Variants in KDM7A observed in about 807,000 individuals in gnomAD.
The protein encoded by KDM7A is lysine-specific demethylase 7A.
A neutral mutation model predicts 114.8 loss-of-function variants in KDM7A; 28 were observed. The observed-to-expected ratio is 0.24, with a 90% confidence interval of 0.18 to 0.33. The LOEUF (loss-of-function observed/expected upper bound fraction) is 0.33. Ranked by LOEUF, KDM7A falls within the 10% of genes least tolerant of loss-of-function variation. The pLI is 1.00. For missense variants in KDM7A, 942 were observed against 1,142.5 expected, an observed-to-expected ratio of 0.82 and a Z score of 2.53; for synonymous variants, 423 against 397.8, an observed-to-expected ratio of 1.06 and a Z score of -0.75.
intron 18 of KDM7A, among the ~76,000 whole-genome samples, chr7:140,092,367 G>A (rs1818036478): frequency 6.6e-6 from 1 of 152,194 alleles, no homozygotes; most frequent in Non-Finnish European, 1.5e-5. Flanking sequence ...GTGAGCACAT[G>A]CCAACGCAGG....
chr7:140,102,556 A>G (rs1440787462), intron 11 of KDM7A, among the ~76,000 whole-genome samples: 1 of 152,108 alleles, frequency 6.6e-6, no homozygotes, highest in African/African-American at 2.4e-5. Context: ...CTAATGTTTT[A>G]GAGACAAGTA....
intron 1 of KDM7A, among the ~76,000 whole-genome samples, chr7:140,151,685 A>G (rs1489634663): frequency 6.6e-6 from 1 of 152,212 alleles, no homozygotes; most frequent in Admixed American, 6.5e-5. Flanking sequence ...TATTATGCCC[A>G]TTTACTTTTC....
At chr7:140,147,327 T>C (rs1794349689) in intron 1 of KDM7A, among the ~76,000 whole-genome samples, 1 of 152,206 alleles carries the variant, frequency 6.6e-6, no homozygotes, top group Admixed American at 6.5e-5. Flanking sequence ...TGAAAACTAA[T>C]ATATTGTGGC....
chr7:140,107,654 T>C (rs1041915210), intron 11 of KDM7A, among the ~76,000 whole-genome samples: 3 of 152,266 alleles, frequency 2.0e-5, no homozygotes, highest in Non-Finnish European at 2.9e-5. Context: ...GTCAGTCTGA[T>C]GGGCTTCCCT....
chr7:140,102,210 T>C (rs1818242276), intron 11 of KDM7A, 50 bp from the exon 12 acceptor site: 1 of 1,232,594 alleles, frequency 8.1e-7, no homozygotes, highest in Admixed American at 1.7e-5. Flanking sequence ...GTTACACACA[T>C]ACGTGACTAA....
intron 1 of KDM7A, among the ~76,000 whole-genome samples, chr7:140,173,885 C>T (rs554570303): frequency 1.3e-5 from 2 of 152,166 alleles, no homozygotes; most frequent in South Asian, 2.1e-4. Flanking sequence ...CTTACTAGGC[C>T]GGGCAGGGTG....
At chr7:140,117,764 T>C (rs1818555417) in intron 9 of KDM7A, among the ~76,000 whole-genome samples, 2 of 152,226 alleles carry the variant, frequency 1.3e-5, no homozygotes, top group South Asian at 4.1e-4. Flanking sequence ...CTACAGTCCA[T>C]TGTGACATTC....
In KDM7A at chr7:140,158,864, T is replaced by C. The variant is rs191213481; in HGVS notation, c.194+17880A>G. On this transcript the variant is annotated intron_variant, in intron 1 of 19. Transcript: ENST00000397560. ...TAGTGTGTTAACAATGAAAGCCTGA[T>C]TGGATTGAGTACAAGAGAAAATGGG... 2.2e-3 allele frequency among the ~76,000 whole-genome samples: 339 copies of C among 152,174 alleles called. 6 individuals carry two copies. The highest frequency in any genetic ancestry group is 0.02 in the Admixed American group (303 of 15,288).
chr7:140,086,325 G>C lies in KDM7A; in HGVS notation c.*4769C>G, dbSNP rs1024257863. 3.5e-4 allele frequency: 53 copies of C among 152,126 alleles called. No homozygotes were observed. Among genetic ancestry groups the C allele is most frequent in the African/African-American group, 1.2e-3 (51 of 41,402 alleles). 9.4% of individuals were successfully genotyped at this position (152,126 alleles called of 1,614,324 possible). On this transcript the variant is annotated 3_prime_UTR_variant, in exon 20 of 20. Coordinates refer to ENST00000397560, the MANE Select transcript of KDM7A (RefSeq NM_030647.2). ...GACAAAGTCTTAAGACACTAGAAGGGGCACCAGGGGGAAGGGGAGAACCTA... is the reference window on the plus strand; with the variant it reads ...GACAAAGTCTTAAGACACTAGAAGGCGCACCAGGGGGAAGGGGAGAACCTA...
intron 8 of KDM7A, 59 bp downstream of exon 8, chr7:140,120,383 A>G: frequency 9.9e-7 from 1 of 1,012,158 alleles, no homozygotes; most frequent in South Asian, 1.4e-5. Flanking sequence ...TAAGTTAAAA[A>G]AAAAAGTATC....
chr7:140,158,863 A>G (rs1309854770), intron 1 of KDM7A, among the ~76,000 whole-genome samples: 1 of 152,198 alleles, frequency 6.6e-6, no homozygotes, highest in Non-Finnish European at 1.5e-5. Flanking sequence ...TGAAAGCCTG[A>G]TTGGATTGAG....
chr7:140,152,540 CTTG>C (rs1562958699), intron 1 of KDM7A, among the ~76,000 whole-genome samples: 1 of 99,300 alleles, frequency 1.0e-5, no homozygotes, highest in Non-Finnish European at 1.9e-5. Flanking sequence ...GTGAGAATCA[CTTG>C]ATCCCGGGAG....
At chr7:140,144,740 CT>C (rs1794322258) in intron 1 of KDM7A, among the ~76,000 whole-genome samples, 2 of 152,234 alleles carry the variant, frequency 1.3e-5, no homozygotes, top group Non-Finnish European at 2.9e-5. Context: ...CACACACACC[CT>C]CATGCTGAAA....
rs762402700 is a variant in KDM7A, at chr7:140,085,005, A to G, written c.*6089T>C. ...GACTTACAAATTTAAAGTAAAACAG[A>G]AACAAAATAAATACTGTACACTTTC... On this transcript the variant is annotated 3_prime_UTR_variant, in exon 20 of 20. Coordinates refer to ENST00000397560, the MANE Select transcript of KDM7A (RefSeq NM_030647.2). 6.6e-6 allele frequency: 1 copy of G among 152,244 alleles called. No individual in the cohort carries two copies. The highest frequency in any genetic ancestry group is 2.4e-5 in the African/African-American group (1 of 41,456). 9.4% of individuals were successfully genotyped at this position (152,244 alleles called of 1,614,324 possible). A position where few individuals can be genotyped will look rare whatever the true frequency, so the allele number is the denominator to read the frequency against.
rs1400037055 is a variant in KDM7A, at chr7:140,090,876, G to C, written c.*218C>G. The stretch of plus-strand genomic sequence containing the variant: ...TTCCAGTTCAAGGTCTCTTTTTAAG[G>C]TTCTACCCTCCTTCTTCCTCTCCCC... On this transcript the variant is annotated 3_prime_UTR_variant, in exon 20 of 20. Coordinates refer to ENST00000397560, the MANE Select transcript of KDM7A (RefSeq NM_030647.2). 1.9e-6 allele frequency: 1 copy of C among 527,796 alleles called. No homozygotes were observed. Among genetic ancestry groups the C allele is most frequent in the Non-Finnish European group, 3.4e-6 (1 of 295,468 alleles). 32.7% of individuals were successfully genotyped at this position (527,796 alleles called of 1,614,324 possible). A position where few individuals can be genotyped will look rare whatever the true frequency, so the allele number is the denominator to read the frequency against.
At chr7:140,111,565 C>T (rs762088005) in intron 10 of KDM7A, among the ~76,000 whole-genome samples, 28 of 152,150 alleles carry the variant, frequency 1.8e-4, no homozygotes, top group African/African-American at 6.3e-4. Context: ...CAGACACTAA[C>T]GTAATCCTAA....
At chr7:140,136,863 C>T (rs1490141549) in intron 2 of KDM7A, among the ~76,000 whole-genome samples, 2 of 151,958 alleles carry the variant, frequency 1.3e-5, no homozygotes, top group African/African-American at 2.4e-5. Flanking sequence ...GGCACACAAC[C>T]GTAATCCCAG....
intron 11 of KDM7A, among the ~76,000 whole-genome samples, chr7:140,104,731 C>T (rs1468118491): frequency 6.6e-6 from 1 of 152,162 alleles, no homozygotes; most frequent in African/African-American, 2.4e-5. Context: ...TAGCATGATG[C>T]CTCCAGCTTT....
chr7:140,163,638 G>T (rs1794543934), intron 1 of KDM7A, among the ~76,000 whole-genome samples: 1 of 151,840 alleles, frequency 6.6e-6, no homozygotes, highest in African/African-American at 2.4e-5. Flanking sequence ...TTTAATGACA[G>T]TTTATATGGT....
Sources: allele counts gnomAD v4.1 joint callset (sites outside exome capture counted in the v4.1 genomes callset), GRCh38; gene constraint gnomAD v4.1.1; transcripts MANE v1.5; gene names NCBI Gene and HGNC (gene_info 2026-07-23, HGNC 2026-07-21).